Variants in PRKG1 observed in about 807,000 individuals in gnomAD.
PRKG1 encodes cGMP-dependent protein kinase 1.
Under a neutral mutation model 88.1 loss-of-function variants are expected in PRKG1, and 35 were observed. That is an observed-to-expected ratio of 0.40 (90% CI 0.30 to 0.53). The LOEUF is 0.53. PRKG1 is among the 20% of genes least tolerant of loss of function. The pLI, the probability that PRKG1 is intolerant of heterozygous loss-of-function variation, is 0.59. For missense variants in PRKG1, 540 were observed against 839.8 expected, an observed-to-expected ratio of 0.64 and a Z score of 4.41; for synonymous variants, 303 against 292.5, an observed-to-expected ratio of 1.04 and a Z score of -0.37.
chr10:51,335,626 G>C (rs986992603), intron 2 of PRKG1, among the ~76,000 whole-genome samples: 1 of 152,066 alleles, frequency 6.6e-6, no homozygotes, highest in Non-Finnish European at 1.5e-5. Flanking sequence ...CGGCCTCCAA[G>C]GTTCAAGTGA....
At chr10:51,677,217 T>C (rs1840732925) in intron 3 of PRKG1, among the ~76,000 whole-genome samples, 1 of 152,204 alleles carries the variant, frequency 6.6e-6, no homozygotes, top group Admixed American at 6.5e-5. Flanking sequence ...ATTTCTTTCA[T>C]TTTTATTGTT....
intron 4 of PRKG1, among the ~76,000 whole-genome samples, chr10:51,885,922 A>G (rs1358476183): frequency 6.6e-6 from 1 of 152,232 alleles, no homozygotes; most frequent in African/African-American, 2.4e-5. Context: ...GCTGGAAGGT[A>G]TGAAATACAT....
At chr10:51,373,790 C>T (rs536823944) in intron 2 of PRKG1, among the ~76,000 whole-genome samples, 2 of 152,202 alleles carry the variant, frequency 1.3e-5, no homozygotes, top group South Asian at 2.1e-4. Context: ...CAAACTAACG[C>T]AGGTGTTTCT....
chr10:51,807,549 G>C (rs1007457003), intron 4 of PRKG1, among the ~76,000 whole-genome samples: 1 of 152,158 alleles, frequency 6.6e-6, no homozygotes, highest in African/African-American at 2.4e-5. Flanking sequence ...TTTATGCTTA[G>C]GTTTAATGAG....
chr10:51,606,569 A>T (rs1431707443), intron 3 of PRKG1, among the ~76,000 whole-genome samples: 1 of 152,224 alleles, frequency 6.6e-6, no homozygotes, highest in Non-Finnish European at 1.5e-5. Context: ...CAAAAGGGGT[A>T]AATCAGAGGC....
At chr10:51,035,247 G>A (rs745687017) in intron 1 of PRKG1, among the ~76,000 whole-genome samples, 4 of 151,928 alleles carry the variant, frequency 2.6e-5, no homozygotes, top group Non-Finnish European at 5.9e-5. Flanking sequence ...TAATTCATAG[G>A]GTTATTTGAT....
chr10:52,065,099 A>G (rs1302033181), intron 7 of PRKG1, among the ~76,000 whole-genome samples: 1 of 152,186 alleles, frequency 6.6e-6, no homozygotes, highest in Admixed American at 6.5e-5. Context: ...CTTCTCATGT[A>G]TCATGAAGGA....
intron 3 of PRKG1, among the ~76,000 whole-genome samples, chr10:51,803,164 A>G (rs973698350): frequency 6.6e-6 from 1 of 152,070 alleles, no homozygotes; most frequent in Non-Finnish European, 1.5e-5. Context: ...TGTAGAAAAG[A>G]GTCTGGAGGC....
intron 9 of PRKG1, among the ~76,000 whole-genome samples, chr10:52,217,202 G>A (rs1278749323): frequency 1.3e-5 from 2 of 152,066 alleles, no homozygotes; most frequent in Admixed American, 1.3e-4. Context: ...GCCTACTAAG[G>A]AGTAAGTTTA....
At chr10:52,212,511 T>A (rs949320987) in intron 9 of PRKG1, among the ~76,000 whole-genome samples, 1 of 151,974 alleles carries the variant, frequency 6.6e-6, no homozygotes, top group Non-Finnish European at 1.5e-5. Context: ...CTTGATTTTT[T>A]AAAAAAGAGA....
chr10:51,538,682 A>C (rs1249445898), intron 3 of PRKG1, among the ~76,000 whole-genome samples: 4 of 151,282 alleles, frequency 2.6e-5, no homozygotes, highest in South Asian at 4.2e-4. Flanking sequence ...AAAAAAAAAA[A>C]CAAATCCCTT....
chr10:51,404,101 C>G (rs1837836810), intron 2 of PRKG1, among the ~76,000 whole-genome samples: 1 of 152,136 alleles, frequency 6.6e-6, no homozygotes, highest in Non-Finnish European at 1.5e-5. Context: ...GCCAAGAAAA[C>G]TAAACAGATG....
At chr10:51,740,304 C>G (rs1340963834) in intron 3 of PRKG1, among the ~76,000 whole-genome samples, 1 of 152,188 alleles carries the variant, frequency 6.6e-6, no homozygotes, top group Non-Finnish European at 1.5e-5. Context: ...GCTGGGATGA[C>G]AGGCTGGAAA....
intron 1 of PRKG1, among the ~76,000 whole-genome samples, chr10:51,023,279 A>G (rs1175185466): frequency 2.0e-5 from 3 of 152,224 alleles, no homozygotes; most frequent in Non-Finnish European, 2.9e-5. Flanking sequence ...CCCTTCTGCC[A>G]CTATGAAACA....
chr10:52,176,126 G>A (rs115931525), intron 9 of PRKG1, among the ~76,000 whole-genome samples: 2,070 of 149,504 alleles, frequency 0.014, 55 homozygotes, highest in African/African-American at 0.048. Context: ...TGCAGTTTGG[G>A]GTCTTACATT....
intron 3 of PRKG1, among the ~76,000 whole-genome samples, chr10:51,733,893 T>C (rs1292714252): frequency 6.6e-6 from 1 of 152,200 alleles, no homozygotes; most frequent in African/African-American, 2.4e-5. Context: ...ATTAGAACTC[T>C]GCATACCTGA....
chr10:52,284,137 T>C (rs572969465), intron 14 of PRKG1, among the ~76,000 whole-genome samples: 1 of 152,018 alleles, frequency 6.6e-6, no homozygotes, highest in East Asian at 1.9e-4. Context: ...CTGACTGGAA[T>C]ATAATAAAAC....
Position 52,160,359 on chromosome 10 carries a change from T to C in PRKG1, c.1002-1530T>C, listed in dbSNP as rs557956333. Among the ~76,000 whole-genome samples the C allele has an allele frequency of 2.6e-5, 4 of 152,170 alleles. No individual in the cohort carries two copies. In the South Asian group the frequency reaches 8.3e-4, roughly 32 times the overall value. ...AAAACTTTCTAAAGACTGTTGCCTA[T>C]TATTTGTCTATTTAACAATCATTTC... On this transcript the variant is annotated intron_variant, in intron 8 of 17. Coordinates refer to ENST00000373980, the MANE Select transcript of PRKG1 (RefSeq NM_006258.4).
chr10:51,150,072 A>G (rs1589195694), intron 1 of PRKG1, among the ~76,000 whole-genome samples: 1 of 152,242 alleles, frequency 6.6e-6, no homozygotes, highest in East Asian at 1.9e-4. Context: ...ATTTGTACAC[A>G]AAGGCAGATA....
Sources: allele counts gnomAD v4.1 joint callset (sites outside exome capture counted in the v4.1 genomes callset), GRCh38; gene constraint gnomAD v4.1.1; transcripts MANE v1.5; gene names NCBI Gene and HGNC (gene_info 2026-07-23, HGNC 2026-07-21).